SCHIP1: variants seen among roughly 807,000 people sequenced by gnomAD.
The protein encoded by SCHIP1 is schwannomin-interacting protein 1.
A neutral mutation model predicts 29.7 loss-of-function variants in SCHIP1; 8 were observed. The observed-to-expected ratio is 0.27, with a 90% CI of 0.16 to 0.49. SCHIP1 has a LOEUF of 0.49. SCHIP1 is among the 20% of genes least tolerant of loss of function. SCHIP1 has a pLI of 0.99. For missense variants in SCHIP1, 193 were observed against 294.6 expected (o/e 0.66, Z 2.52); for synonymous variants, 76 against 94.9 (o/e 0.80, Z 1.16).
the SCHIP1 span, among the ~76,000 whole-genome samples, chr3:159,526,484 A>G: frequency 6.6e-6 from 1 of 152,092 alleles, no homozygotes; most frequent in South Asian, 2.1e-4. Flanking sequence ...TAACTTATTG[A>G]ACTATGTATT....
the SCHIP1 span, among the ~76,000 whole-genome samples, chr3:159,382,630 G>A: frequency 1.3e-5 from 2 of 151,788 alleles, no homozygotes; most frequent in Non-Finnish European, 2.9e-5. Context: ...CCAGTAATGG[G>A]ATGGCTGGGT....
chr3:159,826,505 C>T, the SCHIP1 span, among the ~76,000 whole-genome samples: 1 of 152,174 alleles, frequency 6.6e-6, no homozygotes, highest in East Asian at 1.9e-4. Flanking sequence ...TCACAGTTAA[C>T]GCTGGAAATC....
At chr3:159,839,781 T>C, upstream of SCHIP1, 1 of 760,262 alleles carries the variant, frequency 1.3e-6, no homozygotes. Flanking sequence ...TTTTTCTCGT[T>C]AATGAGGACT....
chr3:159,396,794 G>T, the SCHIP1 span, among the ~76,000 whole-genome samples: 3 of 151,930 alleles, frequency 2.0e-5, no homozygotes, highest in East Asian at 5.8e-4. Flanking sequence ...TGACAATTAT[G>T]TGTCCTGGAG....
At chr3:159,377,621 A>C in the SCHIP1 span, among the ~76,000 whole-genome samples, 1 of 152,250 alleles carries the variant, frequency 6.6e-6, no homozygotes, top group Non-Finnish European at 1.5e-5. Flanking sequence ...TGAAAGACAA[A>C]TACTTCTCCT....
chr3:159,746,618 T>C, the SCHIP1 span, among the ~76,000 whole-genome samples: 1 of 152,258 alleles, frequency 6.6e-6, no homozygotes, highest in African/African-American at 2.4e-5. Context: ...TTAAAATCCT[T>C]CAGATGTCTT....
chr3:159,671,517 C>T, the SCHIP1 span, among the ~76,000 whole-genome samples: 1 of 152,264 alleles, frequency 6.6e-6, no homozygotes, highest in East Asian at 1.9e-4. Flanking sequence ...CAAGAGTGCA[C>T]TCAATAAAGA....
the SCHIP1 span, among the ~76,000 whole-genome samples, chr3:159,724,099 G>A: frequency 6.6e-6 from 1 of 152,064 alleles, no homozygotes; most frequent in African/African-American, 2.4e-5. Context: ...GTATTTCATT[G>A]TCTTAAGTTG....
chr3:159,843,001 C>CTTCTTTTTTTTTTTTT (rs1744394617), intron 1 of SCHIP1, among the ~76,000 whole-genome samples: 6 of 63,710 alleles, frequency 9.4e-5, no homozygotes, highest in African/African-American at 2.8e-4. Context: ...ATATTTCTTT[C>CTTCTTTTTTTTTTTTT]TTTTTTTTTT....
At chr3:159,442,337 G>A in the SCHIP1 span, among the ~76,000 whole-genome samples, 15 of 152,248 alleles carry the variant, frequency 9.9e-5, no homozygotes, top group East Asian at 2.7e-3. Context: ...ATCAGGAATG[G>A]TCCCCAGCAG....
At chr3:159,314,382 A>G in the SCHIP1 span, among the ~76,000 whole-genome samples, 2 of 152,186 alleles carry the variant, frequency 1.3e-5, no homozygotes, top group Non-Finnish European at 2.9e-5. Flanking sequence ...ACTCCATTTC[A>G]TTCTAGAAGA....
intron 2 of SCHIP1, among the ~76,000 whole-genome samples, chr3:159,885,412 C>T (rs1202804896): frequency 6.6e-6 from 1 of 152,246 alleles, no homozygotes; most frequent in Admixed American, 6.5e-5. Context: ...AAAAAGTTGG[C>T]TGTGCAGCCT....
the SCHIP1 span, among the ~76,000 whole-genome samples, chr3:159,687,950 A>G: frequency 2.0e-5 from 3 of 152,214 alleles, no homozygotes; most frequent in East Asian, 1.9e-4. Flanking sequence ...TTATGGCTGC[A>G]TAGTATTCCA....
the SCHIP1 span, among the ~76,000 whole-genome samples, chr3:159,621,307 G>A: frequency 6.6e-6 from 1 of 152,174 alleles, no homozygotes; most frequent in Non-Finnish European, 1.5e-5. Context: ...TACCATAATG[G>A]GAGGAAATTC....
chr3:159,716,841 G>A, the SCHIP1 span, among the ~76,000 whole-genome samples: 3 of 152,194 alleles, frequency 2.0e-5, no homozygotes, highest in African/African-American at 7.2e-5. Context: ...GAGACAGAAA[G>A]TTAAAAAGGA....
chr3:159,565,594 A>C, the SCHIP1 span, among the ~76,000 whole-genome samples: 2 of 152,180 alleles, frequency 1.3e-5, no homozygotes, highest in Admixed American at 1.3e-4. Flanking sequence ...GACTGTTCTT[A>C]AATGTTTTTA....
the SCHIP1 span, among the ~76,000 whole-genome samples, chr3:159,403,154 G>A: frequency 1.8e-4 from 27 of 152,108 alleles, no homozygotes; most frequent in African/African-American, 6.0e-4. Flanking sequence ...TAAAATGTAG[G>A]GATAATCAAG....
chr3:159,883,679 TC>T (rs973918072), intron 2 of SCHIP1, among the ~76,000 whole-genome samples: 1 of 152,226 alleles, frequency 6.6e-6, no homozygotes, highest in Non-Finnish European at 1.5e-5. Context: ...TCATATAATT[TC>T]CTTTTCCTGA....
At chr3:159,394,418 G>GCCCATTCCAGTT in the SCHIP1 span, among the ~76,000 whole-genome samples, 1 of 151,524 alleles carries the variant, frequency 6.6e-6, no homozygotes, top group Non-Finnish European at 1.5e-5. Flanking sequence ...TGCTTCCAGT[G>GCCCATTCCAGTT]TTTGCCCATT....
Sources: gnomAD v4.1 joint callset for allele counts (sites outside exome capture counted in the v4.1 genomes callset) on GRCh38, gnomAD v4.1.1 for gene constraint, MANE v1.5 for transcripts, NCBI Gene and HGNC (gene_info 2026-07-23, HGNC 2026-07-21) for gene names.